Variants in CDK5RAP2 observed in about 807,000 individuals in gnomAD.
CDK5RAP2 encodes the protein CDK5 regulatory subunit associated protein 2, also known as CDK5 regulatory subunit-associated protein 2.
CDK5RAP2 carries 147 observed loss-of-function variants against 232.9 expected under a neutral mutation model. That is an observed-to-expected ratio of 0.63 (90% CI 0.55 to 0.72). The LOEUF is 0.72. Among genes scored for constraint, CDK5RAP2 ranks in the 30% least tolerant of loss-of-function variants. CDK5RAP2 has a pLI of 0.00. For synonymous variants in CDK5RAP2, 833 were observed against 833.7 expected, an observed-to-expected ratio of 1.00 and a Z score of 0.01; for missense variants, 2,195 against 2,231.5, an observed-to-expected ratio of 0.98 and a Z score of 0.33.
At chr9:120,457,642 T>C (rs898693449) in intron 20 of CDK5RAP2, among the ~76,000 whole-genome samples, 1 of 152,250 alleles carries the variant, frequency 6.6e-6, no homozygotes, top group Non-Finnish European at 1.5e-5. Flanking sequence ...GCTTAGTCCA[T>C]CAATGATAGA....
rs35909061 is a variant in CDK5RAP2, at chr9:120,408,408, C to A, written c.4665G>T (p.Gln1555His). 6.7e-4 allele frequency: 1,083 copies of A among 1,614,180 alleles called. 7 individuals carry two copies. In the African/African-American group the frequency reaches 0.013, roughly 19 times the overall value. ...QLLSQNDKLL[Q>H]SLRVELKAYE... ...ACGCCTTCAGCTCCACTCGGAGAGA[C>A]TGCAATAGCTTGTCATTCTGTGAGA... is the stretch of plus-strand genomic sequence containing the variant. The change falls in exon 31 of 38, where the codon CAG (glutamine) becomes CAT (histidine). Residue 1555 changes from glutamine (Q) to histidine (H), a missense_variant. By Grantham distance (24) the Gln-to-His change is conservative (BLOSUM62 0). Transcript: ENST00000349780.
At position 120,413,365 on chromosome 9, in the gene CDK5RAP2, C is replaced by T. The variant is rs560575174; in HGVS notation, c.4297+1675G>A. Among the ~76,000 whole-genome samples, 62 of 152,304 alleles carry T rather than the reference C, an allele frequency of 4.1e-4. 1 individual carries two copies. In the South Asian group the frequency reaches 9.7e-3, roughly 24 times the overall value. ...GCCGGTTTTTAACAATATTCCACCT[C>T]GATATTGTAAGAAGCCATACCTTTC... On this transcript the variant is annotated intron_variant, in intron 28 of 37. Coordinates refer to ENST00000349780, the MANE Select transcript of CDK5RAP2 (RefSeq NM_018249.6).
chr9:120,528,746 G>C lies in CDK5RAP2; in HGVS notation c.877C>G (p.Gln293Glu), dbSNP rs1257908982. 1 of 1,589,894 alleles carries C rather than the reference G, an allele frequency of 6.3e-7. No individual in the cohort carries two copies. The highest frequency in any genetic ancestry group is 1.1e-5 in the South Asian group (1 of 90,572). ...KERNSFEERI[Q>E]ALEEDLREKE... ...TTTTTAAAATTGTATCAACATACCT[G>C]GATCCTCTCTTCAAAGCTGTTTCTC... Residue 293 changes from glutamine to glutamate, a missense_variant and splice_region_variant, in exon 9 of 38, where the codon CAG becomes GAG. Physicochemically the swap from Gln to Glu is conservative, Grantham distance 29 (BLOSUM62 2). Transcript: ENST00000349780.
intron 18 of CDK5RAP2, among the ~76,000 whole-genome samples, chr9:120,466,723 T>C (rs1374562692): frequency 6.6e-6 from 1 of 152,146 alleles, no homozygotes; most frequent in East Asian, 1.9e-4. Context: ...TCAATAATGT[T>C]CCCTCTCACA....
At chr9:120,432,087 T>C (rs945131446) in intron 25 of CDK5RAP2, among the ~76,000 whole-genome samples, 1 of 152,176 alleles carries the variant, frequency 6.6e-6, no homozygotes, top group Non-Finnish European at 1.5e-5. Context: ...ATTAAAGAAA[T>C]AGCAAGGATA....
At chr9:120,393,516 C>A (rs571607239) in intron 36 of CDK5RAP2, among the ~76,000 whole-genome samples, 53 of 152,370 alleles carry the variant, frequency 3.5e-4, no homozygotes, top group Middle Eastern at 3.4e-3. Flanking sequence ...CCGCACAAGG[C>A]AGGCTGGCAC....
At chr9:120,476,481 C>T (rs1209088648) in intron 15 of CDK5RAP2, among the ~76,000 whole-genome samples, 1 of 151,898 alleles carries the variant, frequency 6.6e-6, no homozygotes, top group Non-Finnish European at 1.5e-5. Flanking sequence ...AGATCAAGAC[C>T]ATCCTGGCTA....
rs201979502 is a variant in CDK5RAP2, at chr9:120,390,700, T to G, written c.5579-913A>C. Among the ~76,000 whole-genome samples, 281 of 152,242 alleles carry G rather than the reference T, an allele frequency of 1.8e-3. 1 individual carries two copies. Among genetic ancestry groups the G allele is most frequent in the African/African-American group, 6.5e-3 (268 of 41,530 alleles). ...GAGTAAGATCAGCTTACTCCCCACGTTGGAAATACCAAAGGCTTCTGGAGC... is the reference window on the plus strand; with the variant it reads ...GAGTAAGATCAGCTTACTCCCCACGGTGGAAATACCAAAGGCTTCTGGAGC... On this transcript the variant is annotated intron_variant, in intron 36 of 37. Coordinates refer to ENST00000349780, the MANE Select transcript of CDK5RAP2 (RefSeq NM_018249.6).
chr9:120,496,790 G>T (rs1588487423), intron 12 of CDK5RAP2, among the ~76,000 whole-genome samples: 1 of 135,314 alleles, frequency 7.4e-6, no homozygotes, highest in East Asian at 2.5e-4. Flanking sequence ...GAGGTGGGGG[G>T]GGTCAGCCCC....
chr9:120,412,430 A>G (rs940732065), intron 28 of CDK5RAP2, among the ~76,000 whole-genome samples: 3 of 152,194 alleles, frequency 2.0e-5, no homozygotes, highest in Non-Finnish European at 2.9e-5. Flanking sequence ...CCTCTGGCCA[A>G]TTGGGCCTGA....
chr9:120,452,104 AAAAC>A (rs1330637421), intron 21 of CDK5RAP2, among the ~76,000 whole-genome samples: 5 of 152,092 alleles, frequency 3.3e-5, no homozygotes, highest in African/African-American at 9.7e-5. Flanking sequence ...TCAAACAAAA[AAAAC>A]AAACAAACAA....
At chr9:120,558,642 C>T (rs1468275581) in intron 3 of CDK5RAP2, among the ~76,000 whole-genome samples, 2 of 152,138 alleles carry the variant, frequency 1.3e-5, no homozygotes, top group Non-Finnish European at 2.9e-5. Flanking sequence ...CTTTCCAGTC[C>T]TGAAATAAGC....
In CDK5RAP2 at chr9:120,403,242, C is replaced by A; in HGVS notation, c.5042-171G>T. 1 of 627,734 alleles carries A rather than the reference C, an allele frequency of 1.6e-6. No homozygotes were observed. The highest frequency in any genetic ancestry group is 2.8e-5 in the Admixed American group (1 of 36,188). The allele number at this position is 627,734 out of a possible 1,614,324, so 38.9% of individuals were successfully genotyped here. ...CACGCTCCTGGACCTCTGTATATTACCCCACACTGGGCTTATGAGTCATCT... is the reference window on the plus strand; with the variant it reads ...CACGCTCCTGGACCTCTGTATATTAACCCACACTGGGCTTATGAGTCATCT... On this transcript the variant is annotated intron_variant, in intron 33 of 37. Coordinates refer to ENST00000349780, the MANE Select transcript of CDK5RAP2 (RefSeq NM_018249.6). This position sits in a 1 kb window ranked among gnomAD's most constrained non-coding sequence, Gnocchi z 4.2.
chr9:120,489,823 T>A (rs1289939157), intron 13 of CDK5RAP2, among the ~76,000 whole-genome samples: 1 of 151,708 alleles, frequency 6.6e-6, no homozygotes, highest in East Asian at 1.9e-4. Context: ...TTTTTTTTTT[T>A]TGAGAAGGAG....
chr9:120,448,230 C>T, intron 21 of CDK5RAP2, 104 bp from the exon 22 acceptor site: 1 of 954,732 alleles, frequency 1.0e-6, no homozygotes, highest in Middle Eastern at 2.2e-4. Context: ...TTCGAACTGG[C>T]TGCCCAGACT....
intron 12 of CDK5RAP2, among the ~76,000 whole-genome samples, chr9:120,511,959 A>G (rs1379830506): frequency 6.6e-6 from 1 of 152,094 alleles, no homozygotes; most frequent in East Asian, 1.9e-4. Flanking sequence ...GCTGGTCTTC[A>G]ACTCCTCACC....
chr9:120,487,138 C>T (rs925073814), intron 14 of CDK5RAP2, among the ~76,000 whole-genome samples, 156 bp downstream of exon 14: 1 of 152,188 alleles, frequency 6.6e-6, no homozygotes, highest in African/African-American at 2.4e-5. Context: ...TAATCTGTAA[C>T]GTGGTAGGCT....
chr9:120,458,050 G>A (rs1244986057), intron 20 of CDK5RAP2, among the ~76,000 whole-genome samples: 4 of 152,180 alleles, frequency 2.6e-5, no homozygotes. Flanking sequence ...CAGATATAAT[G>A]AGAAGAGAAC....
intron 26 of CDK5RAP2, among the ~76,000 whole-genome samples, chr9:120,421,494 C>T (rs546783913): frequency 3.3e-5 from 5 of 152,316 alleles, no homozygotes; most frequent in East Asian, 1.9e-4. Flanking sequence ...CTCGCTCTAA[C>T]GATGCAAGTG....
Sources: allele counts gnomAD v4.1 joint callset (sites outside exome capture counted in the v4.1 genomes callset), GRCh38; gene constraint gnomAD v4.1.1; non-coding constraint Gnocchi (gnomAD v3.1); transcripts MANE v1.5; gene names NCBI Gene and HGNC (gene_info 2026-07-23, HGNC 2026-07-21).